Variants in UTP25 observed in about 807,000 individuals in gnomAD.
The protein encoded by UTP25 is UTP25 small subunit processome component, also known as U3 small nucleolar RNA-associated protein 25 homolog.
Under a neutral mutation model 78.9 loss-of-function variants are expected in UTP25, and 50 were observed. That is an observed-to-expected ratio of 0.63 (90% CI 0.50 to 0.80). The LOEUF (loss-of-function observed/expected upper bound fraction) is 0.80, where lower values mean the gene tolerates loss of function less well. Among genes scored for constraint, UTP25 ranks in the 30% least tolerant of loss-of-function variants. The pLI, the probability that UTP25 is intolerant of heterozygous loss-of-function variation, is 0.00. For synonymous variants in UTP25, 329 were observed against 336.5 expected (o/e 0.98, Z 0.24); for missense variants, 846 against 911.3 (o/e 0.93, Z 0.92).
Position 209,851,433 on chromosome 1 carries a change from A to G in UTP25, c.2257A>G (p.Thr753Ala). Residue 753 changes from threonine to alanine, a missense_variant, in exon 12 of 12, where the codon ACT becomes GCT. By Grantham distance (58) the Thr-to-Ala change is moderately conservative. Coordinates refer to ENST00000491415, the MANE Select transcript of UTP25 (RefSeq NM_014388.7). ...CAACAAGAATGTCCACCTCTTCATT[A>G]CTGGAGAAAAATGAAATTTTGTTGG... is the stretch of plus-strand genomic sequence containing the variant. ...QSNKNVHLFITGEK is the reference protein window; with the variant it reads ...QSNKNVHLFIAGEK The G allele has an allele frequency of 1.2e-6, 2 of 1,603,646 alleles. No homozygotes were observed. The highest frequency in any genetic ancestry group is 1.7e-6 in the Non-Finnish European group (2 of 1,175,068).
chr1:209,828,233 G>C, intron 1 of UTP25, 63 bp downstream of exon 1: 1 of 1,287,984 alleles, frequency 7.8e-7, no homozygotes. Context: ...TTGGTCCTCT[G>C]GTCTCCCAGA....
At chr1:209,831,142 G>A in intron 3 of UTP25, 99 bp downstream of exon 3, 4 of 1,262,996 alleles carry the variant, frequency 3.2e-6, no homozygotes, top group South Asian at 3.0e-5. Context: ...TGGATGAAAG[G>A]ACATGAATCC....
intron 11 of UTP25, among the ~76,000 whole-genome samples, chr1:209,846,668 C>A (rs3766612): frequency 0.2 from 30,018 of 152,012 alleles, 2,983 homozygotes; most frequent in South Asian, 0.23. Flanking sequence ...TTGTAGGAGT[C>A]ACTGAAAACA....
intron 3 of UTP25, among the ~76,000 whole-genome samples, 193 bp from the exon 4 acceptor site, chr1:209,832,990 CAT>C (rs2102569175): frequency 6.6e-6 from 1 of 152,302 alleles, no homozygotes; most frequent in South Asian, 2.1e-4. Context: ...CAAATTGAGA[CAT>C]AAAACCCACC....
rs1297183167 is a variant in UTP25 at position 209,856,139 on chromosome 1, C to T, written c.*4692C>T. ...TCTAAACAAGTCCTCACGACCACTT[C>T]TCAGTTTTCTCATCTTTATGAAGTA... On this transcript the variant is annotated 3_prime_UTR_variant, in exon 12 of 12. Transcript: ENST00000491415. 2 of 152,238 alleles carry T rather than the reference C, an allele frequency of 1.3e-5. No individual in the cohort carries two copies. The highest frequency in any genetic ancestry group is 4.8e-5 in the African/African-American group (2 of 41,460). The allele number at this position is 152,238 out of a possible 1,614,324, so 9.4% of individuals were successfully genotyped here. A position where few individuals can be genotyped will look rare whatever the true frequency, so the allele number is the denominator to read the frequency against.
At chr1:209,849,866 G>T (rs368950194) in intron 11 of UTP25, among the ~76,000 whole-genome samples, 64 of 152,152 alleles carry the variant, frequency 4.2e-4, no homozygotes, top group African/African-American at 1.5e-3. Flanking sequence ...CCTGTGTCCC[G>T]TTTTTCCTCA....
chr1:209,830,044 T>C (rs2078094058), intron 1 of UTP25, 64 bp from the exon 2 acceptor site: 2 of 1,437,504 alleles, frequency 1.4e-6, no homozygotes, highest in Non-Finnish European at 9.7e-7. Context: ...TAACATCTCA[T>C]TTGACCTTTT....
At chr1:209,839,373 CAG>C (rs1219595619) in intron 7 of UTP25, among the ~76,000 whole-genome samples, 1 of 152,146 alleles carries the variant, frequency 6.6e-6, no homozygotes, top group Non-Finnish European at 1.5e-5. Context: ...ACATTTATAA[CAG>C]AAATTTATAG....
At position 209,842,660 on chromosome 1, in the gene UTP25, G is replaced by A. The variant is rs771985736; in HGVS notation, c.1746G>A (p.Met582Ile). The A allele has an allele frequency of 1.2e-5, 19 of 1,613,240 alleles. 1 individual carries two copies. In the African/African-American group the frequency reaches 1.2e-4, roughly 10 times the overall value. ...AGCTCCCACATGTCTTCCAGAGGATGGAAGCTGAAAACCTAGCTTCAGTGA... is the reference window on the plus strand; with the variant it reads ...AGCTCCCACATGTCTTCCAGAGGATAGAAGCTGAAAACCTAGCTTCAGTGA... ...LVQLPHVFQR[M>I]EAENLASVID... Residue 582 changes from methionine (M) to isoleucine (I), a missense_variant, in exon 10 of 12, where the codon ATG becomes ATA. Transcript: ENST00000491415.
intron 7 of UTP25, among the ~76,000 whole-genome samples, chr1:209,839,346 A>T (rs1487354576): frequency 6.6e-6 from 1 of 152,192 alleles, no homozygotes; most frequent in Non-Finnish European, 1.5e-5. Flanking sequence ...CTGAGGCCAT[A>T]TATGAAAGGC....
chr1:209,851,123 A>G, intron 11 of UTP25, 81 bp from the exon 12 acceptor site: 1 of 1,481,178 alleles, frequency 6.8e-7, no homozygotes, highest in Non-Finnish European at 9.1e-7. Context: ...AGCATGAACT[A>G]TGCCTCTGTA....
intron 1 of UTP25, among the ~76,000 whole-genome samples, chr1:209,828,432 C>T (rs1232574328): frequency 7.1e-6 from 1 of 141,024 alleles, no homozygotes; most frequent in African/African-American, 2.7e-5. Context: ...CGGTGTTTCG[C>T]TCTGTCGCCC....
intron 8 of UTP25, among the ~76,000 whole-genome samples, chr1:209,841,407 C>G (rs684083): frequency 6.6e-6 from 1 of 151,988 alleles, no homozygotes; most frequent in Non-Finnish European, 1.5e-5. Context: ...CTTTACCTAA[C>G]ATAATCCCAC....
rs549794646 is a variant in UTP25, at chr1:209,854,894, C to T, written c.*3447C>T. 1 of 152,248 alleles carries T rather than the reference C, an allele frequency of 6.6e-6. No individual in the cohort carries two copies. The highest frequency in any genetic ancestry group is 1.5e-5 in the Non-Finnish European group (1 of 68,066). 9.4% of individuals were successfully genotyped at this position (152,248 alleles called of 1,614,324 possible). On this transcript the variant is annotated 3_prime_UTR_variant, in exon 12 of 12. Coordinates refer to ENST00000491415, the MANE Select transcript of UTP25 (RefSeq NM_014388.7). Reference sequence around the variant, plus strand: ...ACAGCTAGCCCTCCCTCCGTCTAGCCATCCTCTCCTTCCAGTCCCTTTCCC... The same window carrying T: ...ACAGCTAGCCCTCCCTCCGTCTAGCTATCCTCTCCTTCCAGTCCCTTTCCC...
chr1:209,841,036 A>C lies in UTP25; in HGVS notation c.1466A>C (p.Gln489Pro). ...IIDQADIYLM[Q>P]NWEHVLHLMN... ...GATCAAGCTGACATTTACCTGATGC[A>C]GAACTGGGAGCATGTCCTGGTAATG... The change falls in exon 8 of 12, where the codon CAG becomes CCG. Residue 489 changes from glutamine (Q) to proline (P), a missense_variant. Coordinates refer to ENST00000491415, the MANE Select transcript of UTP25 (RefSeq NM_014388.7). 1.9e-6 allele frequency: 3 copies of C among 1,614,060 alleles called. No homozygotes were observed. Among genetic ancestry groups the C allele is most frequent in the Non-Finnish European group, 2.5e-6 (3 of 1,179,934 alleles).
At chr1:209,828,287 G>C in intron 1 of UTP25, 117 bp downstream of exon 1, 2 of 771,018 alleles carry the variant, frequency 2.6e-6, no homozygotes, top group South Asian at 3.2e-5. Context: ...GGCTCCCGCT[G>C]TGCTCGGCCG....
rs566251164 is a variant in UTP25 at position 209,849,149 on chromosome 1, G to T, written c.2028-2055G>T. Among the ~76,000 whole-genome samples the T allele has an allele frequency of 5.3e-4, 81 of 152,138 alleles. No individual in the cohort carries two copies. The South Asian group carries it at 0.017, about 31-fold the overall frequency. ...GAAGTCGGGGGGAGGGGGTTCTCCT[G>T]GTCCAGCTCAATTTTTGGCAGGCCC... On this transcript the variant is annotated intron_variant, in intron 11 of 11. Transcript: ENST00000491415.
At chr1:209,835,046 T>C in intron 4 of UTP25, 29 bp from the exon 5 acceptor site, 1 of 1,579,008 alleles carries the variant, frequency 6.3e-7, no homozygotes, top group Non-Finnish European at 8.7e-7. Context: ...AGTTGCATAG[T>C]GTGCTGACAT....
At chr1:209,846,024 T>G (rs2102580268) in intron 11 of UTP25, among the ~76,000 whole-genome samples, 1 of 152,110 alleles carries the variant, frequency 6.6e-6, no homozygotes, top group Admixed American at 6.6e-5. Flanking sequence ...GCCTGGCTGA[T>G]TTTTGTATTT....
Sources: allele counts gnomAD v4.1 joint callset (sites outside exome capture counted in the v4.1 genomes callset), GRCh38; gene constraint gnomAD v4.1.1; transcripts MANE v1.5; gene names NCBI Gene and HGNC (gene_info 2026-07-23, HGNC 2026-07-21).